MSRA: variants seen among roughly 807,000 people sequenced by gnomAD.
MSRA encodes methionine sulfoxide reductase A, also known as mitochondrial peptide methionine sulfoxide reductase.
A neutral mutation model predicts 31.3 loss-of-function variants in MSRA; 54 were observed. That is an observed-to-expected ratio of 1.73 (90% CI 1.39 to 2.17). The LOEUF (loss-of-function observed/expected upper bound fraction) is 2.17, where lower values mean the gene tolerates loss of function less well. Among genes scored for constraint, MSRA ranks in the 30% most tolerant of loss-of-function variants. MSRA has a pLI of 0.00. For synonymous variants in MSRA, 169 were observed against 116.5 expected (o/e 1.45, Z -2.90); for missense variants, 507 against 300.9 (o/e 1.69, Z -5.07).
chr8:10,074,058 C>CTTTTTTTTTTTTTTTTTTTTTTTTTTTT (rs534642712), intron 1 of MSRA, among the ~76,000 whole-genome samples: 2 of 29,456 alleles, frequency 6.8e-5, no homozygotes, highest in African/African-American at 2.4e-4. Flanking sequence ...AAGGGAGGTG[C>CTTTTTTTTTTTTTTTTTTTTTTTTTTTT]TTTTTTTTTT....
intron 1 of MSRA, among the ~76,000 whole-genome samples, chr8:10,196,096 C>A (rs183565638): frequency 1.3e-5 from 2 of 152,344 alleles, no homozygotes; most frequent in Admixed American, 1.3e-4. Flanking sequence ...CGCTCAGCTG[C>A]TCTCTGACAG....
chr8:10,218,932 C>T (rs754079672), intron 2 of MSRA, among the ~76,000 whole-genome samples: 37 of 152,180 alleles, frequency 2.4e-4, no homozygotes, highest in Non-Finnish European at 4.1e-4. Flanking sequence ...TGGCAGAAGG[C>T]AGGTTCTCAG....
intron 3 of MSRA, among the ~76,000 whole-genome samples, chr8:10,289,485 C>G (rs1800117058): frequency 6.6e-6 from 1 of 152,054 alleles, no homozygotes; most frequent in African/African-American, 2.4e-5. Flanking sequence ...GGGTCTGCAT[C>G]CCCTCGAGCA....
At chr8:10,055,115 G>C (rs1009486687) in intron 1 of MSRA, among the ~76,000 whole-genome samples, 8 of 152,144 alleles carry the variant, frequency 5.3e-5, no homozygotes, top group African/African-American at 1.7e-4. Context: ...GCCGGAATGA[G>C]ACGAGACGAT....
intron 5 of MSRA, among the ~76,000 whole-genome samples, chr8:10,373,586 C>T (rs1287632027): frequency 2.6e-5 from 4 of 152,206 alleles, no homozygotes; most frequent in Non-Finnish European, 4.4e-5. Flanking sequence ...TTGTGGGCCC[C>T]ATGGGGGAAG....
At chr8:10,213,578 A>T (rs1809714043) in intron 2 of MSRA, among the ~76,000 whole-genome samples, 1 of 151,654 alleles carries the variant, frequency 6.6e-6, no homozygotes, top group Non-Finnish European at 1.5e-5. Flanking sequence ...CTGGGATGAC[A>T]GGTGCGTGCC....
At chr8:10,227,339 A>C (rs1180899368) in intron 2 of MSRA, among the ~76,000 whole-genome samples, 1 of 152,208 alleles carries the variant, frequency 6.6e-6, no homozygotes, top group East Asian at 1.9e-4. Context: ...GGTTTGATTC[A>C]GTGTAGGAAT....
intron 1 of MSRA, among the ~76,000 whole-genome samples, chr8:10,107,884 A>T (rs571501665): frequency 6.6e-6 from 1 of 152,104 alleles, no homozygotes; most frequent in Non-Finnish European, 1.5e-5. Context: ...CTTTTTAAAG[A>T]CCTCCAGAGA....
chr8:10,177,545 C>T (rs1585100501), intron 1 of MSRA, among the ~76,000 whole-genome samples: 2 of 152,212 alleles, frequency 1.3e-5, no homozygotes, highest in African/African-American at 4.8e-5. Flanking sequence ...TAGTACTTAC[C>T]CTGATGGCTA....
At chr8:10,325,287 A>G (rs942596796) in intron 5 of MSRA, among the ~76,000 whole-genome samples, 1 of 152,174 alleles carries the variant, frequency 6.6e-6, no homozygotes, top group Non-Finnish European at 1.5e-5. Flanking sequence ...TCATATGGTG[A>G]TATAATATGT....
intron 1 of MSRA, among the ~76,000 whole-genome samples, chr8:10,171,478 G>T (rs1805582964): frequency 6.6e-6 from 1 of 151,772 alleles, no homozygotes; most frequent in South Asian, 2.1e-4. Flanking sequence ...TTCCGTGAGA[G>T]AAAACAAGGG....
At chr8:10,085,839 C>T (rs1798533025) in intron 1 of MSRA, among the ~76,000 whole-genome samples, 1 of 152,196 alleles carries the variant, frequency 6.6e-6, no homozygotes, top group African/African-American at 2.4e-5. Context: ...AAGGAATCAT[C>T]CAACATGTAG....
chr8:10,077,256 GC>G (rs1297830235), intron 1 of MSRA, among the ~76,000 whole-genome samples: 2 of 152,116 alleles, frequency 1.3e-5, no homozygotes, highest in Non-Finnish European at 2.9e-5. Context: ...AGGCACCATG[GC>G]CAGGTGGGAA....
chr8:10,099,505 C>G (rs1292531335), intron 1 of MSRA, among the ~76,000 whole-genome samples: 1 of 152,140 alleles, frequency 6.6e-6, no homozygotes, highest in African/African-American at 2.4e-5. Flanking sequence ...CCATGTAATC[C>G]AAGCAGCCAT....
intron 5 of MSRA, among the ~76,000 whole-genome samples, chr8:10,420,362 C>A (rs1585741449): frequency 6.6e-6 from 1 of 151,266 alleles, no homozygotes; most frequent in Admixed American, 6.6e-5. Flanking sequence ...GGGAGAGGTG[C>A]TATTGATAAT....
At chr8:10,217,934 C>A (rs1305162942) in intron 2 of MSRA, among the ~76,000 whole-genome samples, 1 of 151,692 alleles carries the variant, frequency 6.6e-6, no homozygotes, top group Non-Finnish European at 1.5e-5. Flanking sequence ...TCTCTCTTTC[C>A]CTTGCTATTT....
chr8:10,387,676 A>T (rs1310987272), intron 5 of MSRA, among the ~76,000 whole-genome samples: 1 of 152,172 alleles, frequency 6.6e-6, no homozygotes, highest in Non-Finnish European at 1.5e-5. Flanking sequence ...CTCCCAAGTA[A>T]TGTCTCGGAG....
intron 5 of MSRA, chr8:10,353,564 A>G (rs1804327321): frequency 2.2e-6 from 1 of 455,354 alleles, no homozygotes; most frequent in African/African-American, 2.0e-5. Flanking sequence ...AACGAGATGC[A>G]ATTTTCTGGG....
chr8:10,184,440 A>G (rs1369615805), intron 1 of MSRA, among the ~76,000 whole-genome samples: 4 of 151,836 alleles, frequency 2.6e-5, no homozygotes, highest in Non-Finnish European at 5.9e-5. Context: ...TAGATGTAAA[A>G]GGTTTGGCTG....
Sources: gnomAD v4.1 joint callset for allele counts (sites outside exome capture counted in the v4.1 genomes callset) on GRCh38, gnomAD v4.1.1 for gene constraint, MANE v1.5 for transcripts, NCBI Gene and HGNC (gene_info 2026-07-23, HGNC 2026-07-21) for gene names.